Variants in PKP2 observed in about 807,000 individuals in gnomAD.
The protein encoded by PKP2 is plakophilin 2.
A neutral mutation model predicts 83.4 loss-of-function variants in PKP2; 73 were observed. The ratio of observed to expected loss-of-function variants is 0.88; its 90% CI spans 0.72 to 1.06. The LOEUF is 1.06. PKP2 is among the 50% of genes least tolerant of loss of function. The pLI is 0.00. For missense variants in PKP2, 966 were observed against 1,065.4 expected (o/e 0.91, Z 1.30); for synonymous variants, 409 against 430.4 (o/e 0.95, Z 0.62).
chr12:32,850,686 A>C lies in PKP2; in HGVS notation c.1378+80T>G. On this transcript the variant is annotated intron_variant, in intron 5 of 12. Transcript: ENST00000340811. The stretch of plus-strand genomic sequence containing the variant: ...AGCCCATCAATCATTTGCTCCAGGA[A>C]ACTTAAGAAAAAGAGATGATGTAAG... 5 of 1,070,320 alleles carry C rather than the reference A, an allele frequency of 4.7e-6. No homozygotes were observed. The South Asian group carries it at 6.5e-5, about 14-fold the overall frequency. 66.3% of individuals were successfully genotyped at this position (1,070,320 alleles called of 1,614,324 possible). A position where few individuals can be genotyped will look rare whatever the true frequency, so the allele number is the denominator to read the frequency against.
chr12:32,896,644 GGC>G lies in PKP2; in HGVS notation c.86_87del (p.Ser29ThrfsTer56). Reference protein sequence around the residue: ...QQILGQLDSSSLALPSEAKLK... With the variant: ...QQILGQLDSSXLALPSEAKLK... The stretch of plus-strand genomic sequence containing the variant: ...AGCTTGGCCTCGGAGGGCAGCGCCA[GGC>G]TGGAGCTGTCCAGTTGTCCCAGGAT... On this transcript the variant is annotated frameshift_variant, in exon 1 of 13. Transcript: ENST00000340811. LOFTEE classifies it high-confidence loss of function. 1 of 1,571,650 alleles carries G rather than the reference GGC, an allele frequency of 6.4e-7. No homozygotes were observed. The highest frequency in any genetic ancestry group is 8.6e-7 in the Non-Finnish European group (1 of 1,168,174).
chr12:32,816,703 C>G (rs1177661734), intron 9 of PKP2, among the ~76,000 whole-genome samples: 1 of 152,126 alleles, frequency 6.6e-6, no homozygotes, highest in African/African-American at 2.4e-5. Context: ...ATATTCCCAC[C>G]AATAGTATGT....
At chr12:32,878,605 C>T in intron 2 of PKP2, 62 bp from the exon 3 acceptor site, 2 of 1,307,218 alleles carry the variant, frequency 1.5e-6, no homozygotes, top group Admixed American at 3.8e-5. Context: ...TTGCTGAGGA[C>T]TAATTACTCT....
chr12:32,798,578 G>A (rs1231962899), intron 10 of PKP2, among the ~76,000 whole-genome samples: 2 of 151,522 alleles, frequency 1.3e-5, no homozygotes, highest in African/African-American at 2.4e-5. Flanking sequence ...CAATGGAATA[G>A]AATAGAAAAC....
intron 6 of PKP2, chr12:32,824,517 T>G (rs1956415012): frequency 7.4e-6 from 2 of 271,990 alleles, no homozygotes; most frequent in East Asian, 1.9e-4. Context: ...TATAATATAC[T>G]GGATGCCAAG....
At chr12:32,828,823 C>T (rs1364799353) in intron 6 of PKP2, among the ~76,000 whole-genome samples, 1 of 152,110 alleles carries the variant, frequency 6.6e-6, no homozygotes, top group Non-Finnish European at 1.5e-5. Context: ...TAAAAGGCTA[C>T]AGTTAGTTTC....
intron 4 of PKP2, among the ~76,000 whole-genome samples, chr12:32,856,604 G>A (rs1956751223): frequency 6.6e-6 from 1 of 152,096 alleles, no homozygotes; most frequent in Admixed American, 6.5e-5. Flanking sequence ...GGCCTGTCAT[G>A]GGGAAGGGGG....
At chr12:32,896,301 T>A (rs941199819) in intron 1 of PKP2, among the ~76,000 whole-genome samples, 2 of 152,204 alleles carry the variant, frequency 1.3e-5, no homozygotes, top group Non-Finnish European at 2.9e-5. Flanking sequence ...ATATTTAATA[T>A]ACATAGGTAC....
At chr12:32,849,962 T>C (rs1466674769) in intron 5 of PKP2, among the ~76,000 whole-genome samples, 1 of 152,220 alleles carries the variant, frequency 6.6e-6, no homozygotes, top group Non-Finnish European at 1.5e-5. Flanking sequence ...CTCCATTTCA[T>C]TTTCTATAGA....
chr12:32,812,525 CAG>C (rs908328501), intron 9 of PKP2, among the ~76,000 whole-genome samples: 11 of 151,980 alleles, frequency 7.2e-5, no homozygotes, highest in African/African-American at 2.7e-4. Context: ...TTTTTTGAGA[CAG>C]AGTCTCGCTC....
At chr12:32,886,873 C>T (rs1350034514) in intron 1 of PKP2, among the ~76,000 whole-genome samples, 1 of 151,934 alleles carries the variant, frequency 6.6e-6, no homozygotes, top group Non-Finnish European at 1.5e-5. Context: ...GTGGCATGGG[C>T]CTGTAGTCCC....
chr12:32,867,934 C>A (rs536511911), intron 4 of PKP2, among the ~76,000 whole-genome samples: 46 of 152,242 alleles, frequency 3.0e-4, no homozygotes, highest in African/African-American at 1.1e-3. Flanking sequence ...ATATTGATTC[C>A]ATCTCTGAGG....
chr12:32,791,554 G>C lies in PKP2; in HGVS notation c.*870C>G, dbSNP rs1325602832. 6.6e-6 allele frequency: 1 copy of C among 152,166 alleles called. No individual in the cohort carries two copies. Among genetic ancestry groups the C allele is most frequent in the Non-Finnish European group, 1.5e-5 (1 of 68,060 alleles). The allele number at this position is 152,166 out of a possible 1,614,324, so 9.4% of individuals were successfully genotyped here. A position where few individuals can be genotyped will look rare whatever the true frequency, so the allele number is the denominator to read the frequency against. On this transcript the variant is annotated 3_prime_UTR_variant, in exon 13 of 13. Transcript: ENST00000340811. The stretch of plus-strand genomic sequence containing the variant: ...CTAGTCCAGGGCAGTGGCCAAAAAA[G>C]TCCAGGAAAGGCATTACATAGAATG...
At chr12:32,843,414 C>T (rs2137838868) in intron 5 of PKP2, 1 of 794,690 alleles carries the variant, frequency 1.3e-6, no homozygotes, top group Non-Finnish European at 2.0e-6. Context: ...AACATCACCT[C>T]CCCTGAAATA....
intron 1 of PKP2, 132 bp downstream of exon 1, chr12:32,896,377 C>A (rs991521775): frequency 4.7e-6 from 3 of 644,418 alleles, no homozygotes; most frequent in Admixed American, 6.7e-5. Context: ...TCGGTCATAC[C>A]GAAGACGGCG....
Position 32,802,396 on chromosome 12 carries a change from G to A in PKP2, c.2167+7C>T, listed in dbSNP as rs74072938. The A allele has an allele frequency of 0.022, 34,807 of 1,613,010 alleles. 1,691 individuals are homozygous for A. The highest frequency in any genetic ancestry group is 0.19 in the African/African-American group (14,093 of 74,808). On this transcript the variant is annotated splice_region_variant and intron_variant, in intron 10 of 12. Coordinates refer to ENST00000340811, the MANE Select transcript of PKP2 (RefSeq NM_001005242.3). ...CATATTACACATAGATACTTATACCGACTCACCAATTTCATTCTGCAGAGA... is the reference window on the plus strand; with the variant it reads ...CATATTACACATAGATACTTATACCAACTCACCAATTTCATTCTGCAGAGA...
chr12:32,828,208 A>T (rs1956461133), intron 6 of PKP2, among the ~76,000 whole-genome samples: 1 of 152,194 alleles, frequency 6.6e-6, no homozygotes. Context: ...ACGGAGCTTC[A>T]CATATTTAGG....
chr12:32,874,409 C>T (rs1359312859), intron 3 of PKP2, among the ~76,000 whole-genome samples: 1 of 152,142 alleles, frequency 6.6e-6, no homozygotes, highest in Non-Finnish European at 1.5e-5. Flanking sequence ...ACACAAAATA[C>T]GTCTGGCTCC....
chr12:32,892,320 T>G (rs1205880588), intron 1 of PKP2, among the ~76,000 whole-genome samples: 1 of 151,266 alleles, frequency 6.6e-6, no homozygotes, highest in Non-Finnish European at 1.5e-5. Context: ...ATTCACTTTT[T>G]TTTTTTTTTT....
Sources: gnomAD v4.1 joint callset for allele counts (sites outside exome capture counted in the v4.1 genomes callset) on GRCh38, gnomAD v4.1.1 for gene constraint, MANE v1.5 for transcripts, NCBI Gene and HGNC (gene_info 2026-07-23, HGNC 2026-07-21) for gene names.